Variants in REDIC1 observed in about 807,000 individuals in gnomAD.
REDIC1 encodes the protein HEI10 Interacting Protein 1.
At chr12:39,796,989 G>A in the REDIC1 span, among the ~76,000 whole-genome samples, 1 of 152,222 alleles carries the variant, frequency 6.6e-6, no homozygotes, top group African/African-American at 2.4e-5. Flanking sequence ...TTTGTTTTAT[G>A]TTCGACATCA....
At chr12:39,899,255 T>A in the REDIC1 span, among the ~76,000 whole-genome samples, 2 of 152,238 alleles carry the variant, frequency 1.3e-5, no homozygotes, top group African/African-American at 2.4e-5. Flanking sequence ...CTAGATTTTC[T>A]AGTTTATTTG....
chr12:39,870,918 A>G, the REDIC1 span, among the ~76,000 whole-genome samples: 1 of 152,202 alleles, frequency 6.6e-6, no homozygotes. Context: ...AAACAGTTCT[A>G]TTAGATCAAT....
At chr12:39,789,837 T>G in the REDIC1 span, among the ~76,000 whole-genome samples, 1 of 152,200 alleles carries the variant, frequency 6.6e-6, no homozygotes, top group Non-Finnish European at 1.5e-5. Flanking sequence ...TTTGGGTATC[T>G]GCTTTTATAG....
the REDIC1 span, among the ~76,000 whole-genome samples, chr12:39,741,618 C>T: frequency 1.1e-4 from 17 of 152,250 alleles, no homozygotes; most frequent in Admixed American, 5.2e-4. Context: ...GTCTTGAGTA[C>T]GTGGTCCCAC....
At chr12:39,888,378 C>A in the REDIC1 span, among the ~76,000 whole-genome samples, 2 of 152,170 alleles carry the variant, frequency 1.3e-5, no homozygotes, top group African/African-American at 2.4e-5. Flanking sequence ...GTGCATGGCA[C>A]CACACCCAGC....
chr12:39,724,255 A>G, the REDIC1 span, among the ~76,000 whole-genome samples: 2 of 152,292 alleles, frequency 1.3e-5, no homozygotes, highest in African/African-American at 2.4e-5. Context: ...TCCACTGACC[A>G]GTAACAGTAG....
the REDIC1 span, among the ~76,000 whole-genome samples, chr12:39,898,977 A>C: frequency 6.6e-6 from 1 of 152,192 alleles, no homozygotes; most frequent in African/African-American, 2.4e-5. Flanking sequence ...CTTTGGTATC[A>C]GGATGATGCT....
the REDIC1 span, among the ~76,000 whole-genome samples, chr12:39,700,943 A>G: frequency 6.6e-6 from 1 of 152,154 alleles, no homozygotes; most frequent in Non-Finnish European, 1.5e-5. Context: ...GAAGCACTAA[A>G]CATGGAAAGG....
At chr12:39,704,711 G>A in the REDIC1 span, among the ~76,000 whole-genome samples, 9 of 152,162 alleles carry the variant, frequency 5.9e-5, no homozygotes, top group Non-Finnish European at 1.2e-4. Flanking sequence ...AGAAAATGTG[G>A]CACATATAGA....
the REDIC1 span, among the ~76,000 whole-genome samples, chr12:39,838,953 T>G: frequency 9.9e-5 from 15 of 152,224 alleles, no homozygotes; most frequent in Admixed American, 2.6e-4. Context: ...AGAAAATCAA[T>G]GGTGGCAAAC....
At chr12:39,882,707 G>T in the REDIC1 span, among the ~76,000 whole-genome samples, 1 of 151,930 alleles carries the variant, frequency 6.6e-6, no homozygotes, top group Non-Finnish European at 1.5e-5. Flanking sequence ...CCACATACCC[G>T]ACCAGTCTAC....
At chr12:39,857,688 A>G in the REDIC1 span, among the ~76,000 whole-genome samples, 1 of 152,154 alleles carries the variant, frequency 6.6e-6, no homozygotes, top group African/African-American at 2.4e-5. Context: ...ATTCTAAGAT[A>G]ATGTCCAAAA....
the REDIC1 span, chr12:39,684,111 C>G: frequency 1.0e-6 from 1 of 990,742 alleles, no homozygotes; most frequent in South Asian, 4.5e-5. Context: ...TTTTCTTTCT[C>G]TTCTTGCAGC....
At chr12:39,701,194 A>G in the REDIC1 span, among the ~76,000 whole-genome samples, 1 of 152,140 alleles carries the variant, frequency 6.6e-6, no homozygotes, top group Non-Finnish European at 1.5e-5. Context: ...GGAATCCCAT[A>G]CCACGTGCGG....
At chr12:39,870,648 C>A in the REDIC1 span, among the ~76,000 whole-genome samples, 1 of 152,150 alleles carries the variant, frequency 6.6e-6, no homozygotes, top group Non-Finnish European at 1.5e-5. Context: ...TACCTACTGT[C>A]TTAGTTCAGT....
chr12:39,670,263 T>G, the REDIC1 span, among the ~76,000 whole-genome samples: 1 of 152,202 alleles, frequency 6.6e-6, no homozygotes, highest in African/African-American at 2.4e-5. Flanking sequence ...GCATCTCAGC[T>G]CACTGCAACC....
the REDIC1 span, among the ~76,000 whole-genome samples, chr12:39,699,506 C>T: frequency 9.1e-4 from 139 of 152,310 alleles, no homozygotes; most frequent in African/African-American, 3.0e-3. Flanking sequence ...AACTGGAAGG[C>T]GGCAGCAAGG....
the REDIC1 span, among the ~76,000 whole-genome samples, chr12:39,732,503 G>T: frequency 6.6e-6 from 1 of 152,100 alleles, no homozygotes; most frequent in Non-Finnish European, 1.5e-5. Flanking sequence ...TCGCTGGAGG[G>T]TTGTAAGATG....
At chr12:39,626,346 G>T in the REDIC1 span, 2 of 1,614,142 alleles carry the variant, frequency 1.2e-6, no homozygotes, top group East Asian at 2.2e-5. Flanking sequence ...GATGAATTGG[G>T]TCGGGGGGTC....
Sources: allele counts gnomAD v4.1 joint callset (sites outside exome capture counted in the v4.1 genomes callset), GRCh38; gene constraint gnomAD v4.1.1; transcripts MANE v1.5; gene names NCBI Gene and HGNC (gene_info 2026-07-23, HGNC 2026-07-21).